Variants in TNFAIP8L3 observed in about 807,000 individuals in gnomAD.
The protein encoded by TNFAIP8L3 is tumor necrosis factor alpha-induced protein 8-like protein 3.
TNFAIP8L3 carries 7 observed loss-of-function variants against 11.8 expected under a neutral mutation model. That is an observed-to-expected ratio of 0.59 (90% CI 0.34 to 1.11). The LOEUF is 1.11. TNFAIP8L3 is among the 50% of genes most tolerant of loss of function. The pLI, the probability that TNFAIP8L3 is intolerant of heterozygous loss-of-function variation, is 0.03. For synonymous variants in TNFAIP8L3, 98 were observed against 103.8 expected, an observed-to-expected ratio of 0.94 and a Z score of 0.34; for missense variants, 219 against 258.6, an observed-to-expected ratio of 0.85 and a Z score of 1.05.
chr15:51,059,649 C>G (rs1372838482), intron 1 of TNFAIP8L3, among the ~76,000 whole-genome samples: 1 of 152,216 alleles, frequency 6.6e-6, no homozygotes, highest in African/African-American at 2.4e-5. Context: ...GGGAATGGTG[C>G]TGTTGAGTAA....
In TNFAIP8L3 at chr15:51,063,449, G is replaced by C. The variant is rs142234001; in HGVS notation, c.53-5006C>G. Among the ~76,000 whole-genome samples, 6 of 152,302 alleles carry C rather than the reference G, an allele frequency of 3.9e-5. No individual in the cohort carries two copies. In the East Asian group the frequency reaches 1.2e-3, roughly 29 times the overall value. ...TGTATATTTATCATATGAAGAACGA[G>C]AAGTAACGAAGATACAACTTAAGAG... On this transcript the variant is annotated intron_variant, in intron 1 of 1. Coordinates refer to ENST00000637513, the MANE Select transcript of TNFAIP8L3 (RefSeq NM_001311175.2).
upstream of TNFAIP8L3, among the ~76,000 whole-genome samples, chr15:51,096,737 C>G (rs2065515774): frequency 6.6e-6 from 1 of 151,688 alleles, no homozygotes; most frequent in Non-Finnish European, 1.5e-5. Flanking sequence ...ACTAAAAACA[C>G]AAAATTAGCC....
intron 1 of TNFAIP8L3, among the ~76,000 whole-genome samples, chr15:51,070,617 G>A (rs1422612655): frequency 1.3e-5 from 2 of 152,174 alleles, no homozygotes; most frequent in African/African-American, 2.4e-5. Flanking sequence ...CTGCCCCAGA[G>A]TCTGCCTGAG....
At chr15:51,092,629 G>A (rs1425601854) in intron 1 of TNFAIP8L3, among the ~76,000 whole-genome samples, 3 of 152,308 alleles carry the variant, frequency 2.0e-5, no homozygotes, top group South Asian at 2.1e-4. Flanking sequence ...GACAGCTCAC[G>A]AGAGCTGTCT....
chr15:51,089,447 G>A (rs1444970786), intron 1 of TNFAIP8L3, among the ~76,000 whole-genome samples: 1 of 152,218 alleles, frequency 6.6e-6, no homozygotes, highest in Non-Finnish European at 1.5e-5. Flanking sequence ...CCAGGTAAGG[G>A]AGGTGAGGAG....
intron 1 of TNFAIP8L3, among the ~76,000 whole-genome samples, chr15:51,077,799 G>C (rs1434306809): frequency 6.6e-6 from 1 of 152,238 alleles, no homozygotes; most frequent in Non-Finnish European, 1.5e-5. Context: ...CCTTGGGCAG[G>C]GGGAGGAGCC....
chr15:51,077,348 TC>T (rs1428742937), intron 1 of TNFAIP8L3, among the ~76,000 whole-genome samples: 3 of 152,190 alleles, frequency 2.0e-5, no homozygotes, highest in Admixed American at 2.0e-4. Flanking sequence ...TGGGTGGGAC[TC>T]GTGTCCGAAA....
upstream of TNFAIP8L3, among the ~76,000 whole-genome samples, chr15:51,095,476 G>A (rs1041911549): frequency 6.6e-6 from 1 of 152,072 alleles, no homozygotes; most frequent in African/African-American, 2.4e-5. Flanking sequence ...GGGTTCCGGG[G>A]GCTCGGTGAG....
chr15:51,070,064 G>A (rs2065298145), intron 1 of TNFAIP8L3, among the ~76,000 whole-genome samples: 1 of 152,196 alleles, frequency 6.6e-6, no homozygotes, highest in African/African-American at 2.4e-5. Flanking sequence ...TTCATTTTTA[G>A]AGGGAATTCT....
chr15:51,103,793 C>T (rs2065570358), intron 1 of TNFAIP8L3, among the ~76,000 whole-genome samples: 2 of 152,344 alleles, frequency 1.3e-5, no homozygotes, highest in Middle Eastern at 3.4e-3. Flanking sequence ...GTAACTCATA[C>T]TTTAACTTCT....
At chr15:51,071,629 T>G (rs1156757135) in intron 1 of TNFAIP8L3, among the ~76,000 whole-genome samples, 1 of 152,254 alleles carries the variant, frequency 6.6e-6, no homozygotes, top group African/African-American at 2.4e-5. Context: ...CTGATGGACA[T>G]TTAAGTTCTT....
intron 1 of TNFAIP8L3, among the ~76,000 whole-genome samples, chr15:51,090,353 G>A (rs973094268): frequency 6.6e-6 from 1 of 152,154 alleles, no homozygotes; most frequent in African/African-American, 2.4e-5. Flanking sequence ...CATACCCTGG[G>A]AGTTGAGGTG....
Position 51,057,044 on chromosome 15 carries a change from G to A in TNFAIP8L3, c.*837C>T, listed in dbSNP as rs1207699971. 1 of 152,020 alleles carries A rather than the reference G, an allele frequency of 6.6e-6. No homozygotes were observed. Among genetic ancestry groups the A allele is most frequent in the East Asian group, 1.9e-4 (1 of 5,186 alleles). The allele number at this position is 152,020 out of a possible 1,614,324, so 9.4% of individuals were successfully genotyped here. A position where few individuals can be genotyped will look rare whatever the true frequency, so the allele number is the denominator to read the frequency against. On this transcript the variant is annotated 3_prime_UTR_variant, in exon 2 of 2. Transcript: ENST00000637513. ...CCTGCCTCAGCCTCCTGAGTAGCTG[G>A]GATTACAGGCGTGTACCACCACGCC... is the stretch of plus-strand genomic sequence containing the variant.
intron 1 of TNFAIP8L3, among the ~76,000 whole-genome samples, chr15:51,084,730 G>A (rs2065415022): frequency 6.6e-6 from 1 of 152,180 alleles, no homozygotes; most frequent in Non-Finnish European, 1.5e-5. Flanking sequence ...TAAACAGTGA[G>A]GAGGAGGGGT....
intron 1 of TNFAIP8L3, among the ~76,000 whole-genome samples, chr15:51,089,379 CA>C (rs2065450835): frequency 6.6e-6 from 1 of 152,140 alleles, no homozygotes; most frequent in African/African-American, 2.4e-5. Context: ...CAGGAATAAC[CA>C]TAAAGTATGC....
At chr15:51,074,758 C>T (rs897669648) in intron 1 of TNFAIP8L3, among the ~76,000 whole-genome samples, 3 of 152,226 alleles carry the variant, frequency 2.0e-5, no homozygotes, top group East Asian at 1.9e-4. Flanking sequence ...CCCTGACTCT[C>T]GTGCCATAGC....
chr15:51,088,874 G>C (rs560388958), intron 1 of TNFAIP8L3, among the ~76,000 whole-genome samples: 2 of 152,298 alleles, frequency 1.3e-5, no homozygotes, highest in East Asian at 3.9e-4. Flanking sequence ...GCCCTCAGCT[G>C]GAGGGAACAG....
intron 1 of TNFAIP8L3, among the ~76,000 whole-genome samples, chr15:51,059,640 G>A (rs1252393025): frequency 6.6e-6 from 1 of 152,172 alleles, no homozygotes; most frequent in African/African-American, 2.4e-5. Flanking sequence ...CTGAGCATAG[G>A]GAATGGTGCT....
At chr15:51,085,711 C>G (rs1470136652) in intron 1 of TNFAIP8L3, among the ~76,000 whole-genome samples, 1 of 151,422 alleles carries the variant, frequency 6.6e-6, no homozygotes, top group African/African-American at 2.4e-5. Context: ...CACTGCCTGA[C>G]AGTGGAACAA....
Sources: allele counts gnomAD v4.1 joint callset (sites outside exome capture counted in the v4.1 genomes callset), GRCh38; gene constraint gnomAD v4.1.1; transcripts MANE v1.5; gene names NCBI Gene and HGNC (gene_info 2026-07-23, HGNC 2026-07-21).